Variants in ZBTB7A observed in about 807,000 individuals in gnomAD.
The protein encoded by ZBTB7A is zinc finger and BTB domain-containing protein 7A.
In ZBTB7A, 7 loss-of-function variants were observed where a neutral mutation model predicts 26.7. The ratio of observed to expected loss-of-function variants is 0.26; its 90% CI spans 0.15 to 0.49. ZBTB7A has a LOEUF of 0.49. Among genes scored for constraint, ZBTB7A ranks in the 20% least tolerant of loss-of-function variants. ZBTB7A has a pLI of 0.98. For missense variants in ZBTB7A, 617 were observed against 919.5 expected (o/e 0.67, Z 4.25); for synonymous variants, 452 against 441.0 (o/e 1.02, Z -0.31).
At chr19:4,053,674 G>A (rs1045365203) in intron 2 of ZBTB7A, among the ~76,000 whole-genome samples, 1 of 151,300 alleles carries the variant, frequency 6.6e-6, no homozygotes, top group South Asian at 2.1e-4. Context: ...ATGTGTATGT[G>A]GTGTGCGTGT....
intron 1 of ZBTB7A, chr19:4,062,249 G>A (rs990972464): frequency 2.6e-5 from 4 of 152,230 alleles, no homozygotes; most frequent in African/African-American, 9.7e-5. Flanking sequence ...CCTGCTGGGG[G>A]GACAGATGGA....
intron 2 of ZBTB7A, among the ~76,000 whole-genome samples, chr19:4,053,159 C>T (rs1034259593): frequency 6.6e-6 from 1 of 152,348 alleles, no homozygotes; most frequent in East Asian, 1.9e-4. Flanking sequence ...GGAAGAACGA[C>T]TGTGCCTTCC....
chr19:4,061,944 A>C (rs1427832768), intron 1 of ZBTB7A: 1 of 152,284 alleles, frequency 6.6e-6, no homozygotes, highest in East Asian at 1.9e-4. Context: ...TCGGAAGCCC[A>C]TCCTTGTCCA....
In ZBTB7A at chr19:4,053,897, G is replaced by A. The variant is rs536960067; in HGVS notation, c.1262+74C>T. 85 of 1,479,918 alleles carry A rather than the reference G, an allele frequency of 5.7e-5. No homozygotes were observed. The African/African-American group carries it at 1.1e-3, about 20-fold the overall frequency. The allele number at this position is 1,479,918 out of a possible 1,614,324, so 91.7% of individuals were successfully genotyped here. A position where few individuals can be genotyped will look rare whatever the true frequency, so the allele number is the denominator to read the frequency against. ...TGTGTGCGTGCGGTGCAGGGAGAGA[G>A]GCGGGAGGGGTCGTGAGCGGCGGAT... is the stretch of plus-strand genomic sequence containing the variant. On this transcript the variant is annotated intron_variant, in intron 2 of 2. Coordinates refer to ENST00000322357, the MANE Select transcript of ZBTB7A (RefSeq NM_015898.4).
At position 4,046,029 on chromosome 19, in the gene ZBTB7A, G is replaced by A. The variant is rs543569052; in HGVS notation, c.*1723C>T. Reference sequence around the variant, plus strand: ...TGCGGGAGGGACAGGCGTGTTGGGGGATTGGGGGGTGCCGGATGGGGATCG... The same window carrying A: ...TGCGGGAGGGACAGGCGTGTTGGGGAATTGGGGGGTGCCGGATGGGGATCG... On this transcript the variant is annotated 3_prime_UTR_variant, in exon 3 of 3. Coordinates refer to ENST00000322357, the MANE Select transcript of ZBTB7A (RefSeq NM_015898.4). The A allele has an allele frequency of 2.3e-5, 9 of 398,574 alleles. No individual in the cohort carries two copies. The highest frequency in any genetic ancestry group is 4.1e-5 in the African/African-American group (2 of 48,598). 24.7% of individuals were successfully genotyped at this position (398,574 alleles called of 1,614,324 possible).
chr19:4,053,852 T>TATGTGTGCGTCTGCGTGC (rs2040535668), intron 2 of ZBTB7A, 119 bp downstream of exon 2: 21 of 1,180,030 alleles, frequency 1.8e-5, no homozygotes, highest in Non-Finnish European at 2.2e-5. Context: ...CACGTGCGTG[T>TATGTGTGCGTCTGCGTGC]ATGTGTGCGT....
At position 4,057,331 on chromosome 19, in the gene ZBTB7A, G is replaced by A. The variant is rs189359315; in HGVS notation, c.-15-2084C>T. On this transcript the variant is annotated intron_variant, in intron 1 of 2. Transcript: ENST00000322357. ...GTACTCCAGCCTGGGCAACAAGAGCGAAACTCCGTGTTGGAAAAATAAATA... is the reference window on the plus strand; with the variant it reads ...GTACTCCAGCCTGGGCAACAAGAGCAAAACTCCGTGTTGGAAAAATAAATA... Among the ~76,000 whole-genome samples, 64 of 152,168 alleles carry A rather than the reference G, an allele frequency of 4.2e-4. 1 individual carries two copies. In the East Asian group the frequency reaches 9.9e-3, roughly 23 times the overall value.
intron 1 of ZBTB7A, among the ~76,000 whole-genome samples, chr19:4,060,813 C>T (rs117568039): frequency 0.03 from 4,556 of 152,280 alleles, 84 homozygotes; most frequent in Non-Finnish European, 0.045. Flanking sequence ...CCACCCGCCA[C>T]CTTCCCGAAG....
chr19:4,048,357 G>T lies in ZBTB7A; in HGVS notation c.1263-113C>A. 7.3e-7 allele frequency: 1 copy of T among 1,363,310 alleles called. No individual in the cohort carries two copies. The highest frequency in any genetic ancestry group is 9.5e-7 in the Non-Finnish European group (1 of 1,054,990). 84.5% of individuals were successfully genotyped at this position (1,363,310 alleles called of 1,614,324 possible). A position where few individuals can be genotyped will look rare whatever the true frequency, so the allele number is the denominator to read the frequency against. ...TGGATCATCACCCTTGCAGAACACG[G>T]ACCGTGCACCAGAGGTTTCGGTGCC... On this transcript the variant is annotated intron_variant, in intron 2 of 2. Transcript: ENST00000322357. This position sits in a 1 kb window ranked among gnomAD's most constrained non-coding sequence, Gnocchi z 6.7.
chr19:4,049,378 G>C (rs573137866), intron 2 of ZBTB7A, among the ~76,000 whole-genome samples: 1 of 150,252 alleles, frequency 6.7e-6, no homozygotes, highest in African/African-American at 2.4e-5. Flanking sequence ...GTGGGCTTCT[G>C]CCACTCCATC....
At chr19:4,064,801 TG>T (rs1288046715) in intron 1 of ZBTB7A, among the ~76,000 whole-genome samples, 2 of 152,052 alleles carry the variant, frequency 1.3e-5, no homozygotes, top group Non-Finnish European at 2.9e-5. Flanking sequence ...GCCGCCTGAC[TG>T]GGGGGAGAGG....
rs1273352517 is a variant in ZBTB7A at position 4,043,739 on chromosome 19, G to A, written c.*4013C>T. ...GGCCCGGCCCCCCCCCCCCCCCCCC[G>A]TAAATCTATGTATTTAATGCGAGCT... On this transcript the variant is annotated 3_prime_UTR_variant, in exon 3 of 3. Transcript: ENST00000322357. Among the ~76,000 whole-genome samples, 2 of 19,184 alleles carry A rather than the reference G, an allele frequency of 1.0e-4. No homozygotes were observed. The highest frequency in any genetic ancestry group is 3.3e-4 in the African/African-American group (2 of 6,084). The allele number at this position is 19,184 out of a possible 152,430, so 12.6% of individuals were successfully genotyped here.
chr19:4,048,585 C>A lies in ZBTB7A; in HGVS notation c.1263-341G>T, dbSNP rs1178269013. The stretch of plus-strand genomic sequence containing the variant: ...GAGGCTCAGGCCTGAAATCCCAGCA[C>A]TTTGGGAGGCCGAGGCGGGCGGATC... On this transcript the variant is annotated intron_variant, in intron 2 of 2. Transcript: ENST00000322357. This position sits in a 1 kb window ranked among gnomAD's most constrained non-coding sequence, Gnocchi z 6.7. Among the ~76,000 whole-genome samples, 1 of 151,992 alleles carries A rather than the reference C, an allele frequency of 6.6e-6. No individual in the cohort carries two copies. The highest frequency in any genetic ancestry group is 1.5e-5 in the Non-Finnish European group (1 of 68,014).
Position 4,055,466 on chromosome 19 carries a change from T to C in ZBTB7A, c.-15-219A>G, listed in dbSNP as rs907182193. On this transcript the variant is annotated intron_variant, in intron 1 of 2. Coordinates refer to ENST00000322357, the MANE Select transcript of ZBTB7A (RefSeq NM_015898.4). ...ATACATGCCCTGCCTCCAGCCTCTT[T>C]TCTTTTTTGTGTGTCTTTAATACAG... is the stretch of plus-strand genomic sequence containing the variant. The C allele has an allele frequency of 2.7e-5, 27 of 985,292 alleles. No homozygotes were observed. The Admixed American group carries it at 4.3e-4, about 16-fold the overall frequency. 61.0% of individuals were successfully genotyped at this position (985,292 alleles called of 1,614,324 possible).
chr19:4,056,468 G>A (rs747308877), intron 1 of ZBTB7A, among the ~76,000 whole-genome samples: 7 of 152,184 alleles, frequency 4.6e-5, no homozygotes, highest in Non-Finnish European at 8.8e-5. Flanking sequence ...GCTCACGCCT[G>A]TAATTCTAGC....
intron 1 of ZBTB7A, among the ~76,000 whole-genome samples, chr19:4,065,025 A>T (rs561445287): frequency 6.6e-6 from 1 of 151,526 alleles, no homozygotes; most frequent in East Asian, 2.0e-4. Context: ...CTCAGCCCCC[A>T]GCCAGGCTCC....
In ZBTB7A at chr19:4,045,760, T is replaced by C. The variant is rs1367953660; in HGVS notation, c.*1992A>G. The C allele has an allele frequency of 7.6e-6, 3 of 397,182 alleles. No homozygotes were observed. The highest frequency in any genetic ancestry group is 3.6e-5 in the East Asian group (1 of 28,006). 24.6% of individuals were successfully genotyped at this position (397,182 alleles called of 1,614,324 possible). ...GAGGGCGTCCTGGCATCTGGCGACA[T>C]AGTCTCCCCAACCCCGGCCCCTGTC... On this transcript the variant is annotated 3_prime_UTR_variant, in exon 3 of 3. Transcript: ENST00000322357. The surrounding 1 kb of genome is among the most constrained non-coding windows in gnomAD (Gnocchi z 4.1).
chr19:4,054,313 T>C lies in ZBTB7A; in HGVS notation c.920A>G (p.Asp307Gly). Residue 307 changes from aspartate (D) to glycine (G), a missense_variant, in exon 2 of 3, where the codon GAC becomes GGC. Physicochemically the swap from Asp to Gly is moderately conservative, Grantham distance 94. This residue lies in a region of ZBTB7A where 331 missense variants were observed against 391.3 expected (regional missense o/e 0.85). Transcript: ENST00000322357. ...CGCCAGCCCGTCCACGTCGGGCCCGTCCCCGTCCTCGCCCTCGGCCGCTCC... is the reference window on the plus strand; with the variant it reads ...CGCCAGCCCGTCCACGTCGGGCCCGCCCCCGTCCTCGCCCTCGGCCGCTCC... ...LSGAAEGEDG[D>G]GPDVDGLAAS... is the part of the protein sequence containing the mutation. The C allele has an allele frequency of 6.6e-7, 1 of 1,526,226 alleles. No homozygotes were observed. The highest frequency in any genetic ancestry group is 8.7e-7 in the Non-Finnish European group (1 of 1,143,224). 94.5% of individuals were successfully genotyped at this position (1,526,226 alleles called of 1,614,324 possible). A position where few individuals can be genotyped will look rare whatever the true frequency, so the allele number is the denominator to read the frequency against.
chr19:4,060,228 G>A (rs1019521725), intron 1 of ZBTB7A, among the ~76,000 whole-genome samples: 4 of 152,154 alleles, frequency 2.6e-5, no homozygotes, highest in African/African-American at 9.7e-5. Flanking sequence ...CCCTCCCAGG[G>A]TGGCGCATAG....
Sources: allele counts gnomAD v4.1 joint callset (sites outside exome capture counted in the v4.1 genomes callset), GRCh38; gene constraint gnomAD v4.1.1; regional missense constraint gnomAD v4.1.1; non-coding constraint Gnocchi (gnomAD v3.1); transcripts MANE v1.5; gene names NCBI Gene and HGNC (gene_info 2026-07-23, HGNC 2026-07-21).